Variants in ZEB1 observed in about 807,000 individuals in gnomAD.
ZEB1 encodes the protein zinc finger E-box binding homeobox 1.
In ZEB1, 21 loss-of-function variants were observed where a neutral mutation model predicts 84.9. That is an observed-to-expected ratio of 0.25 (90% CI 0.18 to 0.36). The LOEUF is 0.36. Among genes scored for constraint, ZEB1 ranks in the 10% least tolerant of loss-of-function variants. The probability of loss-of-function intolerance (pLI) is 1.00; values close to 1 mark genes in which losing one functional copy is unlikely to be tolerated. For synonymous variants in ZEB1, 420 were observed against 471.1 expected, an observed-to-expected ratio of 0.89 and a Z score of 1.41; for missense variants, 1,104 against 1,330.2, an observed-to-expected ratio of 0.83 and a Z score of 2.65.
rs117068792 is a variant in ZEB1 at position 31,347,782 on chromosome 10, A to G, written c.58+28490A>G. Among the ~76,000 whole-genome samples the G allele has an allele frequency of 6.4e-3, 975 of 152,286 alleles. 7 individuals carry two copies. Among genetic ancestry groups the G allele is most frequent in the Non-Finnish European group, 0.011 (740 of 68,024 alleles). ...AATTATATATGAAGCTTGTCTGACA[A>G]GTTGGATTTTTATGATAGGATAGAA... On this transcript the variant is annotated intron_variant, in intron 1 of 8. Transcript: ENST00000424869.
chr10:31,388,075 A>G (rs375294287), intron 1 of ZEB1, among the ~76,000 whole-genome samples: 4 of 152,170 alleles, frequency 2.6e-5, no homozygotes, highest in African/African-American at 7.2e-5. Flanking sequence ...CTTAAATTCA[A>G]ATGTCATTTG....
intron 1 of ZEB1, among the ~76,000 whole-genome samples, chr10:31,448,006 G>T (rs1487123793): frequency 2.0e-5 from 3 of 150,864 alleles, no homozygotes; most frequent in Non-Finnish European, 4.4e-5. Flanking sequence ...CCTGCAGAGT[G>T]TTTTCCAACT....
chr10:31,375,065 A>ACACACACACACT, intron 1 of ZEB1: 1 of 135,786 alleles, frequency 7.4e-6, no homozygotes, highest in Admixed American at 7.1e-5. Context: ...ACACACACAC[A>ACACACACACACT]CACACACACA....
intron 8 of ZEB1, 85 bp downstream of exon 8, chr10:31,524,198 C>CT: frequency 1.8e-5 from 21 of 1,154,714 alleles, no homozygotes; most frequent in South Asian, 7.9e-5. Context: ...TTAGAATTTT[C>CT]TTTCTTTTTT....
chr10:31,520,139 T>C lies in ZEB1; in HGVS notation c.807T>C (p.Tyr269=), dbSNP rs2071991293. 6.2e-7 allele frequency: 1 copy of C among 1,613,778 alleles called. No individual in the cohort carries two copies. The highest frequency in any genetic ancestry group is 8.5e-7 in the Non-Finnish European group (1 of 1,179,812). ...HLRIHSGEKP[Y]ECPNCKKRFS... is the part of the protein sequence containing the mutation. The stretch of plus-strand genomic sequence containing the variant: ...TTGTTTGTTTAGGAGAGAAGCCATA[T>C]GAATGCCCAAACTGCAAGAAACGCT... Residue 269 remains tyrosine, a synonymous_variant, in exon 7 of 9, where the codon TAT becomes TAC. Coordinates refer to ENST00000424869, the MANE Select transcript of ZEB1 (RefSeq NM_001174096.2). This position sits in a 1 kb window ranked among gnomAD's most constrained non-coding sequence, Gnocchi z 5.1.
At chr10:31,378,159 G>T (rs1564645105) in intron 1 of ZEB1, among the ~76,000 whole-genome samples, 1 of 151,314 alleles carries the variant, frequency 6.6e-6, no homozygotes, top group Admixed American at 6.6e-5. Flanking sequence ...TGTTCTCACT[G>T]AATCACTACT....
chr10:31,357,842 C>T (rs527948526), intron 1 of ZEB1, among the ~76,000 whole-genome samples: 2 of 151,894 alleles, frequency 1.3e-5, no homozygotes, highest in East Asian at 1.9e-4. Flanking sequence ...CTCAGTTTGT[C>T]GTCTACTCTA....
At chr10:31,330,828 G>C (rs937460581) in intron 1 of ZEB1, among the ~76,000 whole-genome samples, 3 of 36,496 alleles carry the variant, frequency 8.2e-5, no homozygotes, top group Non-Finnish European at 1.4e-4. Flanking sequence ...TTTTAAGATA[G>C]TTTTTTAACT....
chr10:31,388,723 G>C (rs772693437), intron 1 of ZEB1, among the ~76,000 whole-genome samples: 2 of 151,820 alleles, frequency 1.3e-5, no homozygotes, highest in South Asian at 4.2e-4. Context: ...CTATATATAC[G>C]TACAGTTTTT....
chr10:31,458,496 T>C (rs1437095221), intron 1 of ZEB1, among the ~76,000 whole-genome samples: 3 of 152,014 alleles, frequency 2.0e-5, no homozygotes, highest in Non-Finnish European at 4.4e-5. Context: ...TCACTCTGCT[T>C]GTAGTGTGGC....
intron 5 of ZEB1, among the ~76,000 whole-genome samples, chr10:31,511,216 A>G (rs1383766527): frequency 1.3e-5 from 2 of 152,316 alleles, no homozygotes; most frequent in East Asian, 1.9e-4. Flanking sequence ...TGTAGGAAAA[A>G]TAAGTACTGA....
intron 1 of ZEB1, among the ~76,000 whole-genome samples, chr10:31,325,047 A>G (rs780104223): frequency 3.0e-4 from 46 of 152,054 alleles, no homozygotes; most frequent in Non-Finnish European, 5.7e-4. Flanking sequence ...AAAAATTTCA[A>G]TATGTTATGA....
intron 1 of ZEB1, among the ~76,000 whole-genome samples, chr10:31,359,470 C>G (rs371523472): frequency 6.6e-6 from 1 of 152,094 alleles, no homozygotes; most frequent in Non-Finnish European, 1.5e-5. Flanking sequence ...TTCTGAAATA[C>G]TCTTTTAACT....
At chr10:31,452,304 TA>T (rs2060651934) in intron 1 of ZEB1, among the ~76,000 whole-genome samples, 1 of 152,254 alleles carries the variant, frequency 6.6e-6, no homozygotes, top group African/African-American at 2.4e-5. Context: ...ATTACATTTG[TA>T]TATTACATTA....
chr10:31,433,772 G>GCAC (rs2136303648), intron 1 of ZEB1, among the ~76,000 whole-genome samples: 1 of 152,310 alleles, frequency 6.6e-6, no homozygotes, highest in Admixed American at 6.5e-5. Flanking sequence ...GTGGCAGTGA[G>GCAC]GGCTACAAGG....
intron 1 of ZEB1, among the ~76,000 whole-genome samples, chr10:31,365,065 A>C (rs1385933995): frequency 1.3e-5 from 2 of 152,212 alleles, no homozygotes; most frequent in Non-Finnish European, 2.9e-5. Flanking sequence ...GGAAGGATCC[A>C]AGTATGTAAA....
chr10:31,381,058 A>C (rs2047539358), intron 1 of ZEB1, among the ~76,000 whole-genome samples: 2 of 152,224 alleles, frequency 1.3e-5, no homozygotes, highest in South Asian at 4.1e-4. Context: ...CATCTAACCA[A>C]AGCTGTAGAA....
chr10:31,343,174 G>T (rs2039702116), intron 1 of ZEB1, among the ~76,000 whole-genome samples: 1 of 152,068 alleles, frequency 6.6e-6, no homozygotes, highest in South Asian at 2.1e-4. Flanking sequence ...AAGCTCTTGA[G>T]AGCTTTCTAT....
chr10:31,361,938 A>G (rs1375921458), intron 1 of ZEB1, among the ~76,000 whole-genome samples: 1 of 120,700 alleles, frequency 8.3e-6, no homozygotes. Flanking sequence ...GGGCAGAGGC[A>G]CTCCTCGCTT....
Sources: gnomAD v4.1 joint callset for allele counts (sites outside exome capture counted in the v4.1 genomes callset) on GRCh38, gnomAD v4.1.1 for gene constraint, Gnocchi (gnomAD v3.1) non-coding constraint, MANE v1.5 for transcripts, NCBI Gene and HGNC (gene_info 2026-07-23, HGNC 2026-07-21) for gene names.